Variants in HHAT observed in about 807,000 individuals in gnomAD.
The protein encoded by HHAT is protein-cysteine N-palmitoyltransferase HHAT.
In HHAT, 47 loss-of-function variants were observed where a neutral mutation model predicts 70.8. The observed-to-expected ratio is 0.66, with a 90% CI of 0.53 to 0.85. The LOEUF is 0.85. HHAT is among the 40% of genes least tolerant of loss of function. The pLI is 0.00. For synonymous variants in HHAT, 228 were observed against 247.6 expected, an observed-to-expected ratio of 0.92 and a Z score of 0.74; for missense variants, 609 against 604.8, an observed-to-expected ratio of 1.01 and a Z score of -0.07.
intron 3 of HHAT, among the ~76,000 whole-genome samples, chr1:210,366,374 G>A (rs182457500): frequency 2.0e-5 from 3 of 152,300 alleles, no homozygotes; most frequent in East Asian, 1.9e-4. Flanking sequence ...GCTCACTCCT[G>A]TAATCCCAGC....
intron 4 of HHAT, among the ~76,000 whole-genome samples, chr1:210,390,932 G>T (rs1214883938): frequency 6.6e-6 from 1 of 152,172 alleles, no homozygotes; most frequent in South Asian, 2.1e-4. Flanking sequence ...TCATATCTTT[G>T]CAATTGCAAA....
chr1:210,501,278 A>G (rs1443397369), intron 8 of HHAT, among the ~76,000 whole-genome samples: 1 of 152,212 alleles, frequency 6.6e-6, no homozygotes, highest in African/African-American at 2.4e-5. Flanking sequence ...CTGTTGCCCC[A>G]ACCTCTGCCC....
intron 8 of HHAT, among the ~76,000 whole-genome samples, chr1:210,506,545 A>C (rs540817893): frequency 1.3e-5 from 2 of 152,174 alleles, no homozygotes; most frequent in African/African-American, 4.8e-5. Flanking sequence ...CGTGTTCCTT[A>C]TGTCTCCTCA....
At chr1:210,642,644 C>G (rs1023575624) in intron 11 of HHAT, among the ~76,000 whole-genome samples, 1 of 152,188 alleles carries the variant, frequency 6.6e-6, no homozygotes. Flanking sequence ...TCTGTATACT[C>G]TTTTCTGTGA....
Position 210,439,443 on chromosome 1 carries a change from G to C in HHAT, c.856+21118G>C, listed in dbSNP as rs571298771. 41 of 151,962 alleles carry C rather than the reference G, an allele frequency of 2.7e-4. 1 individual carries two copies. The highest frequency in any genetic ancestry group is 9.7e-4 in the African/African-American group (40 of 41,244). The allele number at this position is 151,962 out of a possible 1,614,324, so 9.4% of individuals were successfully genotyped here. On this transcript the variant is annotated intron_variant, in intron 7 of 11. Transcript: ENST00000261458. ...ACTCATACAGTCAGCTCCACTCCCAGCTGCTGCAGCTGGCATGTGGAATCC... is the reference window on the plus strand; with the variant it reads ...ACTCATACAGTCAGCTCCACTCCCACCTGCTGCAGCTGGCATGTGGAATCC...
At chr1:210,575,291 C>G (rs1303051299) in intron 9 of HHAT, among the ~76,000 whole-genome samples, 3 of 152,080 alleles carry the variant, frequency 2.0e-5, no homozygotes, top group African/African-American at 7.2e-5. Flanking sequence ...ATGCTTTCAG[C>G]ATCGTCTTAG....
At chr1:210,539,755 G>C (rs1469037397) in intron 9 of HHAT, among the ~76,000 whole-genome samples, 2 of 152,178 alleles carry the variant, frequency 1.3e-5, no homozygotes, top group Non-Finnish European at 1.5e-5. Context: ...GCCACACACA[G>C]AGACAGGGCA....
At chr1:210,541,555 C>G (rs532866933) in intron 9 of HHAT, among the ~76,000 whole-genome samples, 1 of 152,064 alleles carries the variant, frequency 6.6e-6, no homozygotes, top group African/African-American at 2.4e-5. Flanking sequence ...GATGAAACCC[C>G]GTCTCTACTA....
chr1:210,341,361 A>G (rs759509265), intron 1 of HHAT, among the ~76,000 whole-genome samples: 2 of 152,226 alleles, frequency 1.3e-5, no homozygotes, highest in Admixed American at 6.5e-5. Context: ...AAGTAAAGCT[A>G]AAGTATTTTT....
intron 4 of HHAT, among the ~76,000 whole-genome samples, chr1:210,399,715 G>C (rs1243619195): frequency 6.6e-6 from 1 of 152,074 alleles, no homozygotes; most frequent in East Asian, 1.9e-4. Context: ...TTCCCCATCA[G>C]GTCTGACCAA....
intron 6 of HHAT, among the ~76,000 whole-genome samples, chr1:210,406,699 GC>G (rs2092345217): frequency 6.6e-6 from 1 of 152,066 alleles, no homozygotes; most frequent in Non-Finnish European, 1.5e-5. Context: ...TTCAAATTGT[GC>G]CTTTTAGGGT....
At chr1:210,500,474 C>T (rs1247930821) in intron 8 of HHAT, among the ~76,000 whole-genome samples, 1 of 152,144 alleles carries the variant, frequency 6.6e-6, no homozygotes, top group African/African-American at 2.4e-5. Flanking sequence ...AACCTAATTT[C>T]TTTTGTTTCC....
chr1:210,486,992 CA>C (rs761587292), intron 8 of HHAT, among the ~76,000 whole-genome samples: 6 of 152,156 alleles, frequency 3.9e-5, no homozygotes, highest in Non-Finnish European at 7.3e-5. Flanking sequence ...AACTTAGAGC[CA>C]TATAATTATT....
intron 3 of HHAT, 55 bp downstream of exon 3, chr1:210,362,974 A>T: frequency 2.2e-6 from 3 of 1,349,454 alleles, no homozygotes; most frequent in Non-Finnish European, 3.2e-6. Context: ...TCAATATTTC[A>T]CATCACATTT....
intron 7 of HHAT, among the ~76,000 whole-genome samples, chr1:210,446,458 A>G (rs1423531625): frequency 2.0e-5 from 3 of 152,208 alleles, no homozygotes; most frequent in South Asian, 2.1e-4. Context: ...TTGCTCTACA[A>G]TGATGTGACC....
At chr1:210,440,514 G>T (rs1188674484) in intron 7 of HHAT, among the ~76,000 whole-genome samples, 1 of 151,796 alleles carries the variant, frequency 6.6e-6, no homozygotes, top group Admixed American at 6.5e-5. Flanking sequence ...CCCAGTGGAG[G>T]TAATCCCCAG....
At chr1:210,511,807 T>TTA (rs71146227) in intron 8 of HHAT, among the ~76,000 whole-genome samples, 2 of 137,540 alleles carry the variant, frequency 1.5e-5, no homozygotes, top group African/African-American at 5.2e-5. Flanking sequence ...TTTTTTTTTT[T>TTA]GAGATGGAGT....
At chr1:210,364,242 A>G (rs2088663831) in intron 3 of HHAT, among the ~76,000 whole-genome samples, 1 of 152,104 alleles carries the variant, frequency 6.6e-6, no homozygotes, top group Non-Finnish European at 1.5e-5. Context: ...AGCCCTTTTT[A>G]GGATTGTTAA....
intron 4 of HHAT, among the ~76,000 whole-genome samples, chr1:210,397,653 G>T (rs994737718): frequency 1.3e-5 from 2 of 152,082 alleles, no homozygotes; most frequent in South Asian, 2.1e-4. Context: ...AGAGAAAAAA[G>T]GTTGATAAAT....
Sources: gnomAD v4.1 joint callset for allele counts (sites outside exome capture counted in the v4.1 genomes callset) on GRCh38, gnomAD v4.1.1 for gene constraint, MANE v1.5 for transcripts, NCBI Gene and HGNC (gene_info 2026-07-23, HGNC 2026-07-21) for gene names.